Variants in KIAA1671 observed in about 807,000 individuals in gnomAD.
KIAA1671 encodes the protein uncharacterized protein KIAA1671.
A neutral mutation model predicts 131.2 loss-of-function variants in KIAA1671; 52 were observed. The observed-to-expected ratio is 0.40, with a 90% confidence interval of 0.32 to 0.50. The LOEUF (loss-of-function observed/expected upper bound fraction) is 0.50. KIAA1671 is among the 20% of genes least tolerant of loss of function. KIAA1671 has a pLI of 0.73. For missense variants in KIAA1671, 2,360 were observed against 2,364.2 expected (o/e 1.00, Z 0.04); for synonymous variants, 1,003 against 961.6 (o/e 1.04, Z -0.80).
At chr22:25,073,099 C>T (rs916989440) in intron 6 of KIAA1671, among the ~76,000 whole-genome samples, 1 of 152,166 alleles carries the variant, frequency 6.6e-6, no homozygotes, top group Non-Finnish European at 1.5e-5. Flanking sequence ...GATAGGGTCT[C>T]ACTCTGTCAC....
intron 4 of KIAA1671, among the ~76,000 whole-genome samples, chr22:25,038,375 A>T (rs917187213): frequency 6.6e-6 from 1 of 152,198 alleles, no homozygotes; most frequent in Non-Finnish European, 1.5e-5. Flanking sequence ...AATTTAGCCA[A>T]TGCTTTTCCA....
intron 6 of KIAA1671, among the ~76,000 whole-genome samples, chr22:25,166,015 G>C (rs1000253675): frequency 2.0e-5 from 3 of 152,220 alleles, no homozygotes; most frequent in Admixed American, 2.0e-4. Flanking sequence ...GGAGGGACGT[G>C]GGGGGCTGTG....
intron 6 of KIAA1671, among the ~76,000 whole-genome samples, chr22:25,137,317 G>A (rs1932722333): frequency 6.6e-6 from 1 of 152,126 alleles, no homozygotes; most frequent in Admixed American, 6.5e-5. Flanking sequence ...ATGTCAGCAA[G>A]AATAGGAATA....
Position 25,155,437 on chromosome 22 carries a change from GT to G in KIAA1671, c.4531-15378del, listed in dbSNP as rs1368444450. Among the ~76,000 whole-genome samples, 9 of 151,752 alleles carry G rather than the reference GT, an allele frequency of 5.9e-5. No homozygotes were observed. In the South Asian group the frequency reaches 6.2e-4, roughly 11 times the overall value. ...TATTTGTGTATGTGTGTGTGGGGGG[GT>G]TTTTGTAGGTATGCATTTGTGTATA... On this transcript the variant is annotated intron_variant, in intron 6 of 12. Coordinates refer to ENST00000358431, the MANE Select transcript of KIAA1671 (RefSeq NM_001145206.2).
At chr22:25,078,992 T>A (rs967775592) in intron 6 of KIAA1671, among the ~76,000 whole-genome samples, 2 of 152,172 alleles carry the variant, frequency 1.3e-5, no homozygotes, top group African/African-American at 4.8e-5. Flanking sequence ...AACTCAGTTT[T>A]GCCATCTATA....
chr22:25,070,045 TC>T (rs1213771293), intron 6 of KIAA1671: 2 of 281,978 alleles, frequency 7.1e-6, no homozygotes, highest in African/African-American at 2.2e-5. Flanking sequence ...CCTAAAACCC[TC>T]CGTGCCTACG....
At chr22:25,142,537 G>T (rs867994654) in intron 6 of KIAA1671, among the ~76,000 whole-genome samples, 8 of 152,132 alleles carry the variant, frequency 5.3e-5, no homozygotes, top group Non-Finnish European at 1.2e-4. Context: ...GTCCACAGGG[G>T]CTGAGGTGAG....
chr22:25,030,267 T>C (rs1926212106), intron 3 of KIAA1671, among the ~76,000 whole-genome samples: 1 of 152,064 alleles, frequency 6.6e-6, no homozygotes, highest in Non-Finnish European at 1.5e-5. Flanking sequence ...CCGGGCGCGG[T>C]GGCTCATGCC....
intron 1 of KIAA1671, among the ~76,000 whole-genome samples, chr22:24,955,546 T>C (rs1363978356): frequency 6.6e-6 from 1 of 152,128 alleles, no homozygotes; most frequent in Non-Finnish European, 1.5e-5. Context: ...AGGCCAGCCA[T>C]GCTTAGTGGT....
chr22:25,184,867 A>C, intron 10 of KIAA1671, 110 bp from the exon 11 acceptor site: 1 of 1,250,154 alleles, frequency 8.0e-7, no homozygotes, highest in Non-Finnish European at 1.1e-6. Context: ...ATTCCGATTC[A>C]GGGGGCCCCG....
intron 6 of KIAA1671, among the ~76,000 whole-genome samples, chr22:25,139,395 G>A (rs951815677): frequency 6.6e-6 from 1 of 152,228 alleles, no homozygotes; most frequent in South Asian, 2.1e-4. Flanking sequence ...CAAAGGTGGG[G>A]TCCAGCAGAC....
At chr22:25,092,218 G>C (rs896334205) in intron 6 of KIAA1671, among the ~76,000 whole-genome samples, 1 of 152,210 alleles carries the variant, frequency 6.6e-6, no homozygotes, top group Non-Finnish European at 1.5e-5. Flanking sequence ...CAATAAAACA[G>C]GTGATGAGAC....
chr22:25,138,871 C>T (rs569441381), intron 6 of KIAA1671, among the ~76,000 whole-genome samples: 29 of 152,286 alleles, frequency 1.9e-4, no homozygotes, highest in African/African-American at 6.5e-4. Flanking sequence ...GAGTGTCTGC[C>T]ATGTGCCAGG....
At chr22:25,113,063 G>A (rs2294371) in intron 6 of KIAA1671, among the ~76,000 whole-genome samples, 15,220 of 152,126 alleles carry the variant, frequency 0.1, 836 homozygotes, top group East Asian at 0.16. Flanking sequence ...GGGACAGCAG[G>A]GTGGAATGAC....
chr22:25,001,191 A>ATATACGTGTGTATATATG (rs1569202841), intron 1 of KIAA1671, among the ~76,000 whole-genome samples: 1 of 151,506 alleles, frequency 6.6e-6, no homozygotes, highest in African/African-American at 2.4e-5. Context: ...ACGTGTGTAT[A>ATATACGTGTGTATATATG]TATGTGTGTA....
In KIAA1671 at chr22:25,195,234, TC is replaced by T. The variant is rs1243085208; in HGVS notation, c.*2834del. The T allele has an allele frequency of 3.3e-5, 5 of 152,172 alleles. No homozygotes were observed. The highest frequency in any genetic ancestry group is 5.9e-5 in the Non-Finnish European group (4 of 68,034). 9.4% of individuals were successfully genotyped at this position (152,172 alleles called of 1,614,324 possible). A position where few individuals can be genotyped will look rare whatever the true frequency, so the allele number is the denominator to read the frequency against. ...TGCACATCAGCATTTTAACAGCTGATCTTTTGAGAAGCCTGTATCTTTTTCC... is the reference window on the plus strand; with the variant it reads ...TGCACATCAGCATTTTAACAGCTGATTTTTGAGAAGCCTGTATCTTTTTCC... On this transcript the variant is annotated 3_prime_UTR_variant, in exon 13 of 13. Coordinates refer to ENST00000358431, the MANE Select transcript of KIAA1671 (RefSeq NM_001145206.2).
chr22:25,093,737 A>ACACACACACT (rs1568950992), intron 6 of KIAA1671, among the ~76,000 whole-genome samples: 3 of 30,152 alleles, frequency 9.9e-5, no homozygotes, highest in African/African-American at 1.5e-4. Flanking sequence ...ACACACACAC[A>ACACACACACT]CTCTCTCTCT....
At chr22:25,114,099 A>G (rs998258275) in intron 6 of KIAA1671, among the ~76,000 whole-genome samples, 1 of 152,134 alleles carries the variant, frequency 6.6e-6, no homozygotes, top group Non-Finnish European at 1.5e-5. Flanking sequence ...GAATAAATGA[A>G]GTTGGGTGGT....
intron 6 of KIAA1671, among the ~76,000 whole-genome samples, chr22:25,114,498 G>A (rs1337200361): frequency 1.3e-5 from 2 of 152,204 alleles, no homozygotes; most frequent in African/African-American, 4.8e-5. Flanking sequence ...GAAACGCAAG[G>A]CCAGGGACCC....
Sources: gnomAD v4.1 joint callset for allele counts (sites outside exome capture counted in the v4.1 genomes callset) on GRCh38, gnomAD v4.1.1 for gene constraint, MANE v1.5 for transcripts, NCBI Gene and HGNC (gene_info 2026-07-23, HGNC 2026-07-21) for gene names.